BCL2: variants seen among roughly 807,000 people sequenced by gnomAD.
The protein encoded by BCL2 is apoptosis regulator Bcl-2.
BCL2 carries 1 observed loss-of-function variant against 14.2 expected under a neutral mutation model. The observed-to-expected ratio is 0.07, with a 90% CI of 0.02 to 0.33. The LOEUF is 0.33. Among genes scored for constraint, BCL2 ranks in the 10% least tolerant of loss-of-function variants. The probability of loss-of-function intolerance (pLI) is 0.99; values close to 1 mark genes in which losing one functional copy is unlikely to be tolerated. For synonymous variants in BCL2, 151 were observed against 137.2 expected (o/e 1.10, Z -0.70); for missense variants, 247 against 305.9 (o/e 0.81, Z 1.44).
At chr18:63,256,374 AC>A (rs757770373) in intron 2 of BCL2, among the ~76,000 whole-genome samples, 4 of 152,128 alleles carry the variant, frequency 2.6e-5, no homozygotes, top group Non-Finnish European at 5.9e-5. Context: ...GCACCACCAC[AC>A]CCAGCTAATT....
chr18:63,309,632 C>T (rs1046853821), intron 2 of BCL2, among the ~76,000 whole-genome samples: 3 of 152,110 alleles, frequency 2.0e-5, no homozygotes, highest in South Asian at 4.1e-4. Context: ...GGCTCAGTCA[C>T]TGTCAATCTT....
At chr18:63,144,578 C>A (rs532485738) in intron 2 of BCL2, among the ~76,000 whole-genome samples, 1 of 151,908 alleles carries the variant, frequency 6.6e-6, no homozygotes, top group East Asian at 1.9e-4. Flanking sequence ...ACAGGAAGTC[C>A]CGAGGAGTGA....
At chr18:63,195,791 A>G in intron 2 of BCL2, among the ~76,000 whole-genome samples, 1 of 152,224 alleles carries the variant, frequency 6.6e-6, no homozygotes, top group Non-Finnish European at 1.5e-5. Flanking sequence ...CTCTATTTTT[A>G]TAGGGCCTGC....
intron 2 of BCL2, among the ~76,000 whole-genome samples, chr18:63,192,465 G>A (rs1909315357): frequency 6.6e-6 from 1 of 152,148 alleles, no homozygotes; most frequent in Non-Finnish European, 1.5e-5. Context: ...TAGGATGACG[G>A]GAAGTATTTG....
At chr18:63,306,787 T>A (rs1913148060) in intron 2 of BCL2, among the ~76,000 whole-genome samples, 2 of 151,980 alleles carry the variant, frequency 1.3e-5, no homozygotes, top group Non-Finnish European at 2.9e-5. Flanking sequence ...AGGCTTTGAA[T>A]ACAGCCCAAC....
chr18:63,264,075 C>T (rs565251981), intron 2 of BCL2, among the ~76,000 whole-genome samples: 33 of 152,228 alleles, frequency 2.2e-4, no homozygotes, highest in African/African-American at 7.7e-4. Context: ...CAGCCTGCTG[C>T]GAATCTTAAA....
At chr18:63,229,430 T>C (rs1266639055) in intron 2 of BCL2, among the ~76,000 whole-genome samples, 1 of 152,224 alleles carries the variant, frequency 6.6e-6, no homozygotes, top group Non-Finnish European at 1.5e-5. Context: ...GAATCTCATA[T>C]TGAAATATAA....
At position 63,231,310 on chromosome 18, in the gene BCL2, C is replaced by T. The variant is rs184971371; in HGVS notation, c.585+86772G>A. 6.2e-3 allele frequency among the ~76,000 whole-genome samples: 937 copies of T among 151,840 alleles called. 6 individuals are homozygous for T. Among genetic ancestry groups the T allele is most frequent in the African/African-American group, 0.021 (889 of 41,452 alleles). On this transcript the variant is annotated intron_variant, in intron 2 of 2. Coordinates refer to ENST00000333681, the MANE Select transcript of BCL2 (RefSeq NM_000633.3). ...AAAATCAGCAACTAGATAAATATGT[C>T]TTCTCTCTCACCACTCTATTCATTA...
intron 2 of BCL2, among the ~76,000 whole-genome samples, chr18:63,219,584 C>T (rs1167058823): frequency 6.6e-6 from 1 of 151,620 alleles, no homozygotes; most frequent in Non-Finnish European, 1.5e-5. Flanking sequence ...AGCCTCCTCA[C>T]GCAGCACTTT....
chr18:63,289,264 A>G (rs1029329394), intron 2 of BCL2, among the ~76,000 whole-genome samples: 2 of 152,202 alleles, frequency 1.3e-5, no homozygotes, highest in Non-Finnish European at 2.9e-5. Context: ...AAGGCCTGGA[A>G]AAATGGCACA....
rs540817848 is a variant in BCL2 at position 63,173,062 on chromosome 18, A to G, written c.586-44303T>C. On this transcript the variant is annotated intron_variant, in intron 2 of 2. Transcript: ENST00000333681. ...ACTTGAAATAACCTTTCAAAACCAC[A>G]AAAAGTTTAGCTCCAATATAGAAGT... 2.6e-5 allele frequency among the ~76,000 whole-genome samples: 4 copies of G among 152,382 alleles called. No homozygotes were observed. In the South Asian group the frequency reaches 6.2e-4, roughly 24 times the overall value.
At chr18:63,143,806 G>A (rs926669756) in intron 2 of BCL2, among the ~76,000 whole-genome samples, 16 of 152,232 alleles carry the variant, frequency 1.1e-4, no homozygotes, top group Admixed American at 3.9e-4. Flanking sequence ...ACCTTGGAGC[G>A]AGTTGGCTCA....
chr18:63,167,990 G>A (rs1448480683), intron 2 of BCL2, among the ~76,000 whole-genome samples: 1 of 152,044 alleles, frequency 6.6e-6, no homozygotes, highest in Non-Finnish European at 1.5e-5. Context: ...TTGAGCCCGG[G>A]AGTTTGTGGC....
intron 2 of BCL2, among the ~76,000 whole-genome samples, chr18:63,216,435 C>T: frequency 6.7e-6 from 1 of 149,902 alleles, no homozygotes; most frequent in South Asian, 2.1e-4. Flanking sequence ...TGAAACTTTG[C>T]TTAGGAAGAA....
At chr18:63,283,133 A>T (rs1599289052) in intron 2 of BCL2, among the ~76,000 whole-genome samples, 1 of 152,284 alleles carries the variant, frequency 6.6e-6, no homozygotes, top group East Asian at 1.9e-4. Context: ...AAAAATTTCT[A>T]GTTATTTTTT....
At position 63,125,714 on chromosome 18, in the gene BCL2, C is replaced by A. The variant is rs1049644035; in HGVS notation, c.*2911G>T. ...AGGAGAAAAAAATGACTAGTTGAGG[C>A]TTTTATATACATTCATTGCTTCTAA... On this transcript the variant is annotated 3_prime_UTR_variant, in exon 3 of 3. Transcript: ENST00000333681. The A allele has an allele frequency of 4.7e-6, 1 of 213,434 alleles. No individual in the cohort carries two copies. The highest frequency in any genetic ancestry group is 9.5e-6 in the Non-Finnish European group (1 of 105,680). 13.2% of individuals were successfully genotyped at this position (213,434 alleles called of 1,614,324 possible). A position where few individuals can be genotyped will look rare whatever the true frequency, so the allele number is the denominator to read the frequency against.
intron 2 of BCL2, among the ~76,000 whole-genome samples, chr18:63,226,407 T>C (rs1042639727): frequency 6.6e-6 from 1 of 152,206 alleles, no homozygotes; most frequent in Admixed American, 6.5e-5. Flanking sequence ...CACCCTCTTC[T>C]GCCCAGAATT....
chr18:63,290,601 C>T (rs1912618983), intron 2 of BCL2, among the ~76,000 whole-genome samples: 1 of 152,074 alleles, frequency 6.6e-6, no homozygotes, highest in South Asian at 2.1e-4. Flanking sequence ...TCCTGTGTGA[C>T]AAAGCTCAGG....
At position 63,126,438 on chromosome 18, in the gene BCL2, A is replaced by T. The variant is rs959070366; in HGVS notation, c.*2187T>A. On this transcript the variant is annotated 3_prime_UTR_variant, in exon 3 of 3. Transcript: ENST00000333681. Reference sequence around the variant, plus strand: ...CTGGTCATTTGCCATCTGGATTTTTAACTGAATGAATCTCATGGGTTTAAC... The same window carrying T: ...CTGGTCATTTGCCATCTGGATTTTTTACTGAATGAATCTCATGGGTTTAAC... 1.8e-5 allele frequency: 4 copies of T among 226,722 alleles called. No individual in the cohort carries two copies. The highest frequency in any genetic ancestry group is 2.6e-5 in the Non-Finnish European group (3 of 113,878). 14.0% of individuals were successfully genotyped at this position (226,722 alleles called of 1,614,324 possible).
Sources: gnomAD v4.1 joint callset for allele counts (sites outside exome capture counted in the v4.1 genomes callset) on GRCh38, gnomAD v4.1.1 for gene constraint, MANE v1.5 for transcripts, NCBI Gene and HGNC (gene_info 2026-07-23, HGNC 2026-07-21) for gene names.